MB21D2: variants seen among roughly 807,000 people sequenced by gnomAD.
MB21D2 encodes the protein nucleotidyltransferase MB21D2.
A neutral mutation model predicts 33.3 loss-of-function variants in MB21D2; 9 were observed. That is an observed-to-expected ratio of 0.27 (90% CI 0.16 to 0.47). MB21D2 has a LOEUF of 0.47. Among genes scored for constraint, MB21D2 ranks in the 20% least tolerant of loss-of-function variants. The pLI, the probability that MB21D2 is intolerant of heterozygous loss-of-function variation, is 0.99. For missense variants in MB21D2, 540 were observed against 624.6 expected, an observed-to-expected ratio of 0.86 and a Z score of 1.44; for synonymous variants, 241 against 236.3, an observed-to-expected ratio of 1.02 and a Z score of -0.18.
At chr3:192,856,021 C>T (rs1712909168) in intron 1 of MB21D2, among the ~76,000 whole-genome samples, 1 of 152,212 alleles carries the variant, frequency 6.6e-6, no homozygotes, top group Admixed American at 6.5e-5. Flanking sequence ...CGTACCACTG[C>T]ACTCCAGCCT....
intron 1 of MB21D2, among the ~76,000 whole-genome samples, chr3:192,820,460 T>C (rs536095552): frequency 6.6e-6 from 1 of 152,260 alleles, no homozygotes. Context: ...TACAGAAGTT[T>C]TGTTAAAATG....
intron 1 of MB21D2, among the ~76,000 whole-genome samples, chr3:192,862,810 T>C (rs1488767415): frequency 1.3e-5 from 2 of 152,184 alleles, no homozygotes; most frequent in Non-Finnish European, 2.9e-5. Flanking sequence ...TTATAAACAA[T>C]GTAAATGTAT....
Position 192,870,562 on chromosome 3 carries a change from C to T in MB21D2, c.211+47068G>A, listed in dbSNP as rs142039985. On this transcript the variant is annotated intron_variant, in intron 1 of 1. Coordinates refer to ENST00000392452, the MANE Select transcript of MB21D2 (RefSeq NM_178496.4). ...AAAATTAGCCAGGCATGGTGGCGCA[C>T]GCCTGTAATCTCAGCTGGACATGGT... is the stretch of plus-strand genomic sequence containing the variant. 5.0e-3 allele frequency among the ~76,000 whole-genome samples: 759 copies of T among 151,790 alleles called. 7 individuals are homozygous for T. Among genetic ancestry groups the T allele is most frequent in the African/African-American group, 0.017 (695 of 41,350 alleles).
At chr3:192,821,511 A>T (rs1460014039) in intron 1 of MB21D2, among the ~76,000 whole-genome samples, 1 of 152,214 alleles carries the variant, frequency 6.6e-6, no homozygotes, top group Non-Finnish European at 1.5e-5. Context: ...AGGCACAAGC[A>T]GGGAGCACCA....
intron 1 of MB21D2, among the ~76,000 whole-genome samples, chr3:192,864,932 C>T (rs1713139169): frequency 6.6e-6 from 1 of 152,156 alleles, no homozygotes. Context: ...CTTATATACC[C>T]ACCTTGCAGT....
In MB21D2 at chr3:192,798,938, C is replaced by G; in HGVS notation, c.924G>C (p.Gln308His). Residue 308 changes from glutamine to histidine, a missense_variant, in exon 2 of 2, where the codon CAG (glutamine) becomes CAC (histidine). Coordinates refer to ENST00000392452, the MANE Select transcript of MB21D2 (RefSeq NM_178496.4). The surrounding 1 kb of genome is among the most constrained non-coding windows in gnomAD (Gnocchi z 4.8). ...LKKCISSSLM[Q>H]AYQACKAIII... is the part of the protein sequence containing the mutation. ...TGATGGCTTTGCAGGCCTGATAGGC[C>G]TGCATGAGGCTGCTGGAGATGCACT... 1 of 1,613,956 alleles carries G rather than the reference C, an allele frequency of 6.2e-7. No homozygotes were observed. The highest frequency in any genetic ancestry group is 8.5e-7 in the Non-Finnish European group (1 of 1,179,936).
chr3:192,802,642 C>T (rs1028924247), intron 1 of MB21D2, among the ~76,000 whole-genome samples: 2 of 152,076 alleles, frequency 1.3e-5, no homozygotes, highest in Non-Finnish European at 2.9e-5. Context: ...TACCATCCCA[C>T]GTTTTGGTTA....
intron 1 of MB21D2, among the ~76,000 whole-genome samples, chr3:192,897,870 T>TA (rs922554719): frequency 2.0e-5 from 3 of 151,890 alleles, no homozygotes; most frequent in Non-Finnish European, 4.4e-5. Flanking sequence ...TAGTCCCAGC[T>TA]ACTGGGGAGG....
chr3:192,868,971 C>T (rs182648311), intron 1 of MB21D2, among the ~76,000 whole-genome samples: 105 of 152,188 alleles, frequency 6.9e-4, no homozygotes, highest in African/African-American at 2.4e-3. Context: ...TTAGGTAGGC[C>T]ACAGACTAGT....
chr3:192,894,600 C>A (rs572513056), intron 1 of MB21D2, among the ~76,000 whole-genome samples: 52 of 152,132 alleles, frequency 3.4e-4, no homozygotes, highest in Non-Finnish European at 7.1e-4. Context: ...TAAAAGCTGC[C>A]AGTCTTACAA....
At chr3:192,811,226 T>C (rs1711781801) in intron 1 of MB21D2, among the ~76,000 whole-genome samples, 2 of 152,352 alleles carry the variant, frequency 1.3e-5, no homozygotes, top group Middle Eastern at 3.4e-3. Flanking sequence ...ACCCATTCAA[T>C]AGCTTATTAA....
intron 1 of MB21D2, among the ~76,000 whole-genome samples, chr3:192,890,477 T>A (rs2108646748): frequency 6.6e-6 from 1 of 151,898 alleles, no homozygotes; most frequent in African/African-American, 2.4e-5. Flanking sequence ...GCTTAGCTTG[T>A]AAGGTCTGAT....
intron 1 of MB21D2, among the ~76,000 whole-genome samples, chr3:192,873,062 C>T (rs1387317688): frequency 6.6e-6 from 1 of 152,110 alleles, no homozygotes; most frequent in Non-Finnish European, 1.5e-5. Context: ...GCCTATACAC[C>T]CTTGTCCTCT....
intron 1 of MB21D2, among the ~76,000 whole-genome samples, chr3:192,910,118 G>C (rs947204356): frequency 1.3e-5 from 2 of 151,322 alleles, no homozygotes; most frequent in Non-Finnish European, 2.9e-5. Context: ...AAATAAGGTA[G>C]GTAAAATCCT....
intron 1 of MB21D2, among the ~76,000 whole-genome samples, chr3:192,829,194 A>T (rs1357929093): frequency 2.0e-5 from 3 of 152,202 alleles, no homozygotes; most frequent in Non-Finnish European, 4.4e-5. Context: ...TCTTTCACTT[A>T]GCATGATGCT....
chr3:192,875,334 C>T (rs746115348), intron 1 of MB21D2, among the ~76,000 whole-genome samples: 11 of 152,046 alleles, frequency 7.2e-5, no homozygotes, highest in Non-Finnish European at 1.0e-4. Context: ...GTTTGCTGCA[C>T]GAATGGATGA....
intron 1 of MB21D2, among the ~76,000 whole-genome samples, chr3:192,866,416 G>A (rs538606151): frequency 6.6e-6 from 1 of 152,252 alleles, no homozygotes; most frequent in African/African-American, 2.4e-5. Flanking sequence ...CTTTCTCTGA[G>A]AGGGGAACTG....
intron 1 of MB21D2, among the ~76,000 whole-genome samples, chr3:192,830,154 G>A (rs1269456919): frequency 2.6e-5 from 4 of 151,968 alleles, no homozygotes; most frequent in Admixed American, 6.6e-5. Context: ...ACCAGGCTAC[G>A]TTCTTCATTT....
chr3:192,807,621 G>A (rs893093699), intron 1 of MB21D2, among the ~76,000 whole-genome samples: 3 of 152,104 alleles, frequency 2.0e-5, no homozygotes, highest in Non-Finnish European at 4.4e-5. Flanking sequence ...GAGGAGAAGG[G>A]GGGAAGTCTA....
Sources: allele counts gnomAD v4.1 joint callset (sites outside exome capture counted in the v4.1 genomes callset), GRCh38; gene constraint gnomAD v4.1.1; non-coding constraint Gnocchi (gnomAD v3.1); transcripts MANE v1.5; gene names NCBI Gene and HGNC (gene_info 2026-07-23, HGNC 2026-07-21).